ASXL1: variants seen among roughly 807,000 people sequenced by gnomAD.
ASXL1 encodes ASXL transcriptional regulator 1, also known as polycomb group protein ASXL1.
A neutral mutation model predicts 89.1 loss-of-function variants in ASXL1; 65 were observed. The observed-to-expected ratio is 0.73, with a 90% CI of 0.60 to 0.90. The LOEUF (loss-of-function observed/expected upper bound fraction) is 0.90. Ranked by LOEUF, ASXL1 falls within the 40% of genes least tolerant of loss-of-function variation. The probability of loss-of-function intolerance (pLI) is 0.00; values close to 1 mark genes in which losing one functional copy is unlikely to be tolerated. For missense variants in ASXL1, 1,786 were observed against 1,942.9 expected, an observed-to-expected ratio of 0.92 and a Z score of 1.52; for synonymous variants, 739 against 746.9, an observed-to-expected ratio of 0.99 and a Z score of 0.17.
In ASXL1 at chr20:32,434,693, A is replaced by G. The variant is rs991997701; in HGVS notation, c.1981A>G (p.Arg661Gly). ...GGGATDEGGG[R>G]GSSSGDGGEA... Reference sequence around the variant, plus strand: ...CGGGGCCACCGATGAGGGAGGTGGCAGAGGCAGCAGCAGTGGTGATGGTGG... The same window carrying G: ...CGGGGCCACCGATGAGGGAGGTGGCGGAGGCAGCAGCAGTGGTGATGGTGG... The change falls in exon 13 of 13, where the codon AGA (arginine) becomes GGA (glycine). Residue 661 changes from arginine (R) to glycine (G), a missense_variant. Physicochemically the swap from Arg to Gly is moderately radical, Grantham distance 125. Transcript: ENST00000375687. 2.5e-6 allele frequency: 4 copies of G among 1,605,474 alleles called. No individual in the cohort carries two copies. In the Admixed American group the frequency reaches 5.1e-5, roughly 20 times the overall value.
intron 4 of ASXL1, among the ~76,000 whole-genome samples, chr20:32,418,336 G>T (rs1247622701): frequency 6.6e-6 from 1 of 152,104 alleles, no homozygotes; most frequent in Non-Finnish European, 1.5e-5. Context: ...TAGCACCGTG[G>T]CACTTTAGCC....
chr20:32,423,201 A>G (rs1355341225), intron 4 of ASXL1, among the ~76,000 whole-genome samples: 1 of 151,902 alleles, frequency 6.6e-6, no homozygotes, highest in Non-Finnish European at 1.5e-5. Flanking sequence ...AGGTGGGAGG[A>G]TCGCTTGAGT....
intron 4 of ASXL1, among the ~76,000 whole-genome samples, chr20:32,377,071 T>C (rs984322970): frequency 1.9e-4 from 27 of 142,122 alleles, no homozygotes; most frequent in African/African-American, 6.7e-4. Context: ...TTATATATTA[T>C]ATATAATGTT....
chr20:32,393,547 C>G (rs1230770346), intron 4 of ASXL1, among the ~76,000 whole-genome samples: 1 of 152,154 alleles, frequency 6.6e-6, no homozygotes, highest in African/African-American at 2.4e-5. Flanking sequence ...TCTCAGCTCA[C>G]TCCAACCTCC....
At chr20:32,432,843 C>G (rs778771506) in intron 10 of ASXL1, 37 bp from the exon 11 acceptor site, 1 of 1,609,700 alleles carries the variant, frequency 6.2e-7, no homozygotes, top group Non-Finnish European at 8.5e-7. Flanking sequence ...ATTAATATCC[C>G]GAATGCACTT....
chr20:32,423,932 A>G (rs1031510512), intron 4 of ASXL1, among the ~76,000 whole-genome samples: 2 of 152,170 alleles, frequency 1.3e-5, no homozygotes, highest in African/African-American at 4.8e-5. Flanking sequence ...AGAATAGCAA[A>G]TCTTACTCTT....
intron 4 of ASXL1, among the ~76,000 whole-genome samples, chr20:32,375,658 A>T (rs552023471): frequency 1.3e-5 from 2 of 151,402 alleles, no homozygotes; most frequent in Admixed American, 6.7e-5. Context: ...GTTGTATAGA[A>T]GTAAGTAGTT....
intron 4 of ASXL1, among the ~76,000 whole-genome samples, chr20:32,400,127 C>A (rs1177305680): frequency 6.6e-6 from 1 of 151,950 alleles, no homozygotes; most frequent in Non-Finnish European, 1.5e-5. Context: ...CCTGTCTCTA[C>A]TTAAGTTTTT....
chr20:32,419,745 C>T (rs1176399083), intron 4 of ASXL1, among the ~76,000 whole-genome samples: 4 of 150,522 alleles, frequency 2.7e-5, no homozygotes, highest in African/African-American at 7.3e-5. Flanking sequence ...GCAGTGGCAC[C>T]ATGTCAGCTC....
intron 4 of ASXL1, among the ~76,000 whole-genome samples, chr20:32,421,121 G>A (rs779020473): frequency 1.1e-3 from 172 of 151,938 alleles, no homozygotes; most frequent in Middle Eastern, 3.4e-3. Context: ...TAATGCATGC[G>A]GGGCTTAAAA....
At chr20:32,394,924 A>T (rs890878858) in intron 4 of ASXL1, among the ~76,000 whole-genome samples, 1 of 152,092 alleles carries the variant, frequency 6.6e-6, no homozygotes, top group East Asian at 1.9e-4. Flanking sequence ...ACGTTGGCCC[A>T]GCAGGTCTCG....
At chr20:32,433,979 T>G in intron 12 of ASXL1, 62 bp downstream of exon 12, 1 of 1,594,752 alleles carries the variant, frequency 6.3e-7, no homozygotes, top group Non-Finnish European at 8.6e-7. Flanking sequence ...GTCATGAGAT[T>G]ATAGAGCCCT....
chr20:32,425,748 C>T (rs1307914860), intron 4 of ASXL1, among the ~76,000 whole-genome samples: 3 of 152,070 alleles, frequency 2.0e-5, no homozygotes, highest in Non-Finnish European at 2.9e-5. Flanking sequence ...GCTCTGTCAC[C>T]CAGGCTGGAG....
At chr20:32,424,185 C>T (rs2011209882) in intron 4 of ASXL1, among the ~76,000 whole-genome samples, 1 of 152,132 alleles carries the variant, frequency 6.6e-6, no homozygotes, top group Non-Finnish European at 1.5e-5. Context: ...GAAAACAATA[C>T]ATGTTAATAG....
intron 4 of ASXL1, among the ~76,000 whole-genome samples, chr20:32,398,603 G>GTTTTTT (rs375341392): frequency 4.0e-5 from 5 of 126,436 alleles, no homozygotes; most frequent in South Asian, 2.3e-4. Flanking sequence ...TTTTTTGTTT[G>GTTTTTT]TTTTTTTTTT....
chr20:32,411,783 C>A (rs1049501618), intron 4 of ASXL1, among the ~76,000 whole-genome samples: 1 of 152,096 alleles, frequency 6.6e-6, no homozygotes, highest in African/African-American at 2.4e-5. Context: ...AGTTATCCAC[C>A]CGCTTTGGCC....
In ASXL1 at chr20:32,429,589, T is replaced by G. The variant is rs2011456750; in HGVS notation, c.565+158T>G. On this transcript the variant is annotated intron_variant, in intron 7 of 12. Coordinates refer to ENST00000375687, the MANE Select transcript of ASXL1 (RefSeq NM_015338.6). This position sits in a 1 kb window ranked among gnomAD's most constrained non-coding sequence, Gnocchi z 4.9. ...GGATGAGGCCTGCCATAGGTTCTAG[T>G]GCTGGGCTCTGCTGTGTGCCTTCCT... The G allele has an allele frequency of 5.0e-6, 4 of 805,354 alleles. No homozygotes were observed. Among genetic ancestry groups the G allele is most frequent in the Non-Finnish European group, 8.2e-6 (4 of 486,360 alleles). The allele number at this position is 805,354 out of a possible 1,614,324, so 49.9% of individuals were successfully genotyped here. A position where few individuals can be genotyped will look rare whatever the true frequency, so the allele number is the denominator to read the frequency against.
intron 3 of ASXL1, among the ~76,000 whole-genome samples, 183 bp downstream of exon 3, chr20:32,367,912 T>C (rs896073725): frequency 3.3e-5 from 5 of 152,256 alleles, no homozygotes; most frequent in Non-Finnish European, 7.3e-5. Flanking sequence ...GTTCCCCTTG[T>C]AGCAGAGATG....
At chr20:32,391,157 TG>T (rs2048664965) in intron 4 of ASXL1, among the ~76,000 whole-genome samples, 2 of 152,188 alleles carry the variant, frequency 1.3e-5, no homozygotes, top group South Asian at 4.1e-4. Flanking sequence ...CTCAAAGTGC[TG>T]GGATTACAGG....
Sources: gnomAD v4.1 joint callset for allele counts (sites outside exome capture counted in the v4.1 genomes callset) on GRCh38, gnomAD v4.1.1 for gene constraint, Gnocchi (gnomAD v3.1) non-coding constraint, MANE v1.5 for transcripts, NCBI Gene and HGNC (gene_info 2026-07-23, HGNC 2026-07-21) for gene names.